Variants in FRMPD4 observed in about 807,000 individuals in gnomAD.
The protein encoded by FRMPD4 is FERM and PDZ domain containing 4.
FRMPD4 carries 22 observed loss-of-function variants against 94.1 expected under a neutral mutation model. That is an observed-to-expected ratio of 0.23 (90% CI 0.17 to 0.33). The LOEUF is 0.33. Ranked by LOEUF, FRMPD4 falls within the 10% of genes least tolerant of loss-of-function variation. FRMPD4 has a pLI of 1.00. For missense variants in FRMPD4, 1,111 were observed against 1,339.9 expected, an observed-to-expected ratio of 0.83 and a Z score of 2.67; for synonymous variants, 631 against 548.6, an observed-to-expected ratio of 1.15 and a Z score of -2.10.
chrX:12,261,057 G>A lies in FRMPD4; in HGVS notation c.41+122045G>A, dbSNP rs766580094. The stretch of plus-strand genomic sequence containing the variant: ...CCCAAGAGTGGGTTCCCTGAGGGCA[G>A]AGAAGCTTGTCCCAGTACCGACCTA... On this transcript the variant is annotated intron_variant, in intron 1 of 16. Transcript: ENST00000675598. Among the ~76,000 whole-genome samples the A allele has an allele frequency of 2.6e-3, 292 of 111,497 alleles. 1 individual carries two copies. Among genetic ancestry groups the A allele is most frequent in the Non-Finnish European group, 2.8e-3 (146 of 53,044 alleles).
intron 3 of FRMPD4, among the ~76,000 whole-genome samples, chrX:12,027,762 T>A (rs2054668792): frequency 8.9e-6 from 1 of 112,351 alleles, no homozygotes. Flanking sequence ...TTAGGTTACT[T>A]GTATAGATGA....
chrX:12,515,592 G>A (rs1970434212), intron 2 of FRMPD4, among the ~76,000 whole-genome samples: 1 of 111,962 alleles, frequency 8.9e-6, no homozygotes, highest in Middle Eastern at 4.2e-3. Context: ...TTCTTGAGGA[G>A]TGTTTCACTT....
chrX:12,538,336 G>C (rs1602093002), intron 2 of FRMPD4, among the ~76,000 whole-genome samples: 1 of 88,124 alleles, frequency 1.1e-5, no homozygotes. Context: ...CAGGAAGCTC[G>C]AAATGGGTGG....
At chrX:12,419,744 T>A (rs911325643) in intron 1 of FRMPD4, among the ~76,000 whole-genome samples, 6 of 111,658 alleles carry the variant, frequency 5.4e-5, no homozygotes, top group Non-Finnish European at 1.1e-4. Context: ...TGGGAATCAT[T>A]CACACTGTTC....
At chrX:12,155,391 C>CA (rs755998728) in intron 1 of FRMPD4, among the ~76,000 whole-genome samples, 3 of 109,808 alleles carry the variant, frequency 2.7e-5, no homozygotes, top group African/African-American at 1.0e-4. Context: ...GAAAACACAA[C>CA]AAAAAATACA....
intron 1 of FRMPD4, among the ~76,000 whole-genome samples, chrX:12,160,341 G>A (rs369901982): frequency 9.0e-6 from 1 of 111,601 alleles, no homozygotes; most frequent in African/African-American, 3.3e-5. Flanking sequence ...ACACACTGTG[G>A]CATCTCTTTG....
At chrX:12,588,563 A>G (rs1422104841) in intron 2 of FRMPD4, among the ~76,000 whole-genome samples, 2 of 112,569 alleles carry the variant, frequency 1.8e-5, no homozygotes, top group Admixed American at 1.9e-4. Flanking sequence ...TTACAACTAT[A>G]TCATAGGTTT....
At chrX:12,012,792 T>C (rs1366835753) in intron 3 of FRMPD4, among the ~76,000 whole-genome samples, 1 of 112,291 alleles carries the variant, frequency 8.9e-6, no homozygotes, top group East Asian at 2.8e-4. Context: ...TGTAGTTTAT[T>C]GATTTATATA....
Position 12,064,560 on chromosome X carries a change from G to C in FRMPD4, c.95+186542G>C, listed in dbSNP as rs746538290. On this transcript the variant is annotated intron_variant, in intron 3 of 18. Transcript: ENST00000640291. Reference sequence around the variant, plus strand: ...TGCCTTTTTCTAGAGGTGAATGAAGGCATGTTTTAAATCTATTACTGAAAA... The same window carrying C: ...TGCCTTTTTCTAGAGGTGAATGAAGCCATGTTTTAAATCTATTACTGAAAA... Among the ~76,000 whole-genome samples, 7 of 111,777 alleles carry C rather than the reference G, an allele frequency of 6.3e-5. No homozygotes were observed. The South Asian group carries it at 1.5e-3, about 24-fold the overall frequency.
chrX:12,015,534 A>G (rs1327216614), intron 3 of FRMPD4, among the ~76,000 whole-genome samples: 1 of 112,030 alleles, frequency 8.9e-6, no homozygotes, highest in Non-Finnish European at 1.9e-5. Flanking sequence ...GATAGCTTAC[A>G]TATTTTGCTC....
intron 1 of FRMPD4, among the ~76,000 whole-genome samples, chrX:12,441,037 C>T (rs1371051830): frequency 2.7e-5 from 3 of 112,274 alleles, no homozygotes; most frequent in African/African-American, 9.7e-5. Flanking sequence ...TGGGTAGCAT[C>T]TCCTCTCCAG....
chrX:12,139,524 GAGAA>G (rs2055657626), intron 1 of FRMPD4, among the ~76,000 whole-genome samples: 1 of 95,809 alleles, frequency 1.0e-5, no homozygotes. Context: ...GTAGATAGAA[GAGAA>G]AGACTTTCAG....
At chrX:12,520,025 T>C (rs1481674263) in intron 2 of FRMPD4, among the ~76,000 whole-genome samples, 1 of 111,995 alleles carries the variant, frequency 8.9e-6, no homozygotes, top group Admixed American at 9.4e-5. Flanking sequence ...TACTATATGA[T>C]CCAACAATCC....
chrX:11,895,546 T>C (rs2053898460), intron 3 of FRMPD4, among the ~76,000 whole-genome samples: 1 of 111,992 alleles, frequency 8.9e-6, no homozygotes, highest in South Asian at 3.8e-4. Context: ...ATGCATTACC[T>C]TATTAAACTC....
chrX:12,713,511 A>G (rs187862505), intron 14 of FRMPD4, among the ~76,000 whole-genome samples: 1 of 111,162 alleles, frequency 9.0e-6, no homozygotes, highest in Non-Finnish European at 1.9e-5. Context: ...AGAGACAGAG[A>G]GAGAGAAGCG....
chrX:12,120,999 TA>T (rs1306236733), intron 3 of FRMPD4, among the ~76,000 whole-genome samples: 2 of 108,929 alleles, frequency 1.8e-5, no homozygotes, highest in Non-Finnish European at 3.8e-5. Context: ...ATAATAATAC[TA>T]ATTTTTATAA....
chrX:11,885,685 C>T (rs780680907), intron 3 of FRMPD4, among the ~76,000 whole-genome samples: 4 of 111,202 alleles, frequency 3.6e-5, no homozygotes, highest in East Asian at 5.6e-4. Context: ...TGTTGTTACA[C>T]TTTTTGTCTT....
chrX:12,656,608 C>G (rs1641505739), intron 4 of FRMPD4, among the ~76,000 whole-genome samples: 2 of 112,061 alleles, frequency 1.8e-5, no homozygotes, highest in Admixed American at 1.9e-4. Flanking sequence ...AGAAACAAAT[C>G]ATTGTTACTT....
intron 1 of FRMPD4, among the ~76,000 whole-genome samples, chrX:11,825,329 G>A (rs894976139): frequency 2.6e-4 from 28 of 108,525 alleles, no homozygotes; most frequent in Non-Finnish European, 2.7e-4. Flanking sequence ...AAATTGAAGA[G>A]CTATGGCTTG....
Sources: allele counts gnomAD v4.1 joint callset (sites outside exome capture counted in the v4.1 genomes callset), GRCh38; gene constraint gnomAD v4.1.1; transcripts MANE v1.5; gene names NCBI Gene and HGNC (gene_info 2026-07-23, HGNC 2026-07-21).